Variants in MAPT observed in about 807,000 individuals in gnomAD.
MAPT encodes the protein microtubule associated protein tau, also known as microtubule-associated protein tau.
MAPT carries 34 observed loss-of-function variants against 67.9 expected under a neutral mutation model. That is an observed-to-expected ratio of 0.50 (90% CI 0.38 to 0.67). The LOEUF is 0.67. Ranked by LOEUF, MAPT falls within the 30% of genes least tolerant of loss-of-function variation. The probability of loss-of-function intolerance (pLI) is 0.00; values close to 1 mark genes in which losing one functional copy is unlikely to be tolerated. For missense variants in MAPT, 881 were observed against 1,115.2 expected, an observed-to-expected ratio of 0.79 and a Z score of 2.99; for synonymous variants, 456 against 464.5, an observed-to-expected ratio of 0.98 and a Z score of 0.23.
chr17:45,941,241 A>G (rs2067823446), intron 1 of MAPT, among the ~76,000 whole-genome samples: 1 of 152,226 alleles, frequency 6.6e-6, no homozygotes, highest in African/African-American at 2.4e-5. Flanking sequence ...AACTTTTAAA[A>G]GACATCTTTA....
chr17:45,931,397 A>G (rs888698915), intron 1 of MAPT, among the ~76,000 whole-genome samples: 5 of 152,252 alleles, frequency 3.3e-5, no homozygotes. Context: ...TCAAATAAAA[A>G]GTAAATATTA....
intron 1 of MAPT, among the ~76,000 whole-genome samples, chr17:45,928,899 T>G (rs1335580566): frequency 6.6e-6 from 1 of 152,094 alleles, no homozygotes; most frequent in African/African-American, 2.4e-5. Context: ...GGTTTCACCG[T>G]GTTAGCCAGG....
chr17:45,971,964 G>A lies in MAPT; in HGVS notation c.220+19G>A, dbSNP rs774767380. ...GCGGAAGGTGGGCCCCCCTTCAGAC[G>A]CCCCCTCCATGCCTCCAGCCTGTGC... is the stretch of plus-strand genomic sequence containing the variant. On this transcript the variant is annotated intron_variant, in intron 3 of 12. Transcript: ENST00000262410. This position sits in a 1 kb window ranked among gnomAD's most constrained non-coding sequence, Gnocchi z 4.3. 8 of 1,594,740 alleles carry A rather than the reference G, an allele frequency of 5.0e-6. No homozygotes were observed. In the South Asian group the frequency reaches 5.5e-5, roughly 11 times the overall value.
intron 1 of MAPT, among the ~76,000 whole-genome samples, chr17:45,932,625 C>T (rs1268736478): frequency 6.7e-6 from 1 of 148,420 alleles, no homozygotes; most frequent in Non-Finnish European, 1.5e-5. Flanking sequence ...AGAACTTACT[C>T]TCAAAATAAA....
At chr17:46,019,282 C>A (rs905591694) in intron 12 of MAPT, among the ~76,000 whole-genome samples, 13 of 148,902 alleles carry the variant, frequency 8.7e-5, no homozygotes, top group South Asian at 2.1e-4. Context: ...ATGGGAAAGA[C>A]CCGCCCCCAT....
intron 10 of MAPT, among the ~76,000 whole-genome samples, chr17:46,013,056 G>C (rs1380357723): frequency 6.6e-6 from 1 of 152,218 alleles, no homozygotes; most frequent in African/African-American, 2.4e-5. Context: ...GATGGTTCCA[G>C]TTTAGACCTA....
intron 11 of MAPT, among the ~76,000 whole-genome samples, chr17:46,017,336 C>T (rs929203178): frequency 3.3e-5 from 5 of 151,754 alleles, no homozygotes; most frequent in East Asian, 1.9e-4. Context: ...TGCAGTGGTG[C>T]GATCTCGGCT....
At chr17:45,990,565 C>T (rs1278609498) in intron 7 of MAPT, 4 of 405,600 alleles carry the variant, frequency 9.9e-6, no homozygotes, top group Non-Finnish European at 1.9e-5. Flanking sequence ...GTAGTTAGCT[C>T]CAGCTTGGGC....
chr17:45,962,628 C>T (rs907871712), intron 2 of MAPT, among the ~76,000 whole-genome samples, 158 bp downstream of exon 2: 1 of 152,134 alleles, frequency 6.6e-6, no homozygotes, highest in Non-Finnish European at 1.5e-5. Flanking sequence ...CAAGATAACT[C>T]AAGCAGTGAG....
chr17:46,013,376 G>T (rs557427260), intron 10 of MAPT, among the ~76,000 whole-genome samples: 1 of 152,224 alleles, frequency 6.6e-6, no homozygotes, highest in Non-Finnish European at 1.5e-5. Context: ...TCCCTACAGC[G>T]TGCCCCCCAC....
At chr17:46,013,170 G>A (rs12150506) in intron 10 of MAPT, among the ~76,000 whole-genome samples, 21,777 of 152,150 alleles carry the variant, frequency 0.14, 2,117 homozygotes, top group Non-Finnish European at 0.22. Context: ...GCTCCAGGGC[G>A]GTGCTTCCTC....
chr17:46,003,175 A>C (rs1598353730), intron 9 of MAPT, among the ~76,000 whole-genome samples: 1 of 148,802 alleles, frequency 6.7e-6, no homozygotes, highest in Non-Finnish European at 1.5e-5. Context: ...CTACCCAGTC[A>C]CCTCTGCCCA....
intron 10 of MAPT, among the ~76,000 whole-genome samples, chr17:46,013,725 C>CG (rs1568332512): frequency 6.6e-6 from 1 of 152,136 alleles, no homozygotes; most frequent in Non-Finnish European, 1.5e-5. Flanking sequence ...ATAAAGCCCA[C>CG]GCATCGACCC....
chr17:45,943,460 C>T (rs1223360957), intron 1 of MAPT, among the ~76,000 whole-genome samples: 1 of 152,180 alleles, frequency 6.6e-6, no homozygotes, highest in Non-Finnish European at 1.5e-5. Context: ...TGCTGATTTC[C>T]AACAGAATTG....
intron 12 of MAPT, among the ~76,000 whole-genome samples, chr17:46,019,608 A>C (rs571744349): frequency 4.6e-5 from 7 of 151,898 alleles, no homozygotes; most frequent in African/African-American, 1.7e-4. Flanking sequence ...AGGTCAAGCA[A>C]TATGCCCACC....
chr17:46,002,696 A>C lies in MAPT; in HGVS notation c.1998+6032A>C, dbSNP rs543343887. 2.0e-5 allele frequency among the ~76,000 whole-genome samples: 3 copies of C among 152,278 alleles called. No individual in the cohort carries two copies. In the South Asian group the frequency reaches 6.2e-4, roughly 32 times the overall value. On this transcript the variant is annotated intron_variant, in intron 9 of 12. Transcript: ENST00000262410. ...CTTGGGGCGGGGGGTGCAATATTCAAGATGGCCACAAGATGGCAATAGAAT... is the reference window on the plus strand; with the variant it reads ...CTTGGGGCGGGGGGTGCAATATTCACGATGGCCACAAGATGGCAATAGAAT...
At chr17:45,974,778 G>A (rs933766436) in intron 3 of MAPT, 2 of 415,064 alleles carry the variant, frequency 4.8e-6, no homozygotes, top group Admixed American at 7.2e-5. Context: ...GGCAGGTGGT[G>A]GCAGACCCGT....
At chr17:45,987,485 C>T (rs8079215) in intron 6 of MAPT, among the ~76,000 whole-genome samples, 115,374 of 152,174 alleles carry the variant, frequency 0.76, 44,030 homozygotes, top group East Asian at 0.83. Context: ...CCCAGATCTT[C>T]GCCCATCCTT....
rs2063211052 is a variant in MAPT at position 45,896,244 on chromosome 17, T to C, written c.-18+1558T>C. 6.6e-6 allele frequency: 1 copy of C among 151,930 alleles called. No homozygotes were observed. The highest frequency in any genetic ancestry group is 2.4e-5 in the African/African-American group (1 of 41,310). The allele number at this position is 151,930 out of a possible 1,614,324, so 9.4% of individuals were successfully genotyped here. On this transcript the variant is annotated intron_variant, in intron 1 of 12. Coordinates refer to ENST00000262410, the MANE Select transcript of MAPT (RefSeq NM_001377265.1). This position sits in a 1 kb window ranked among gnomAD's most constrained non-coding sequence, Gnocchi z 5.6. ...CCGGGAAGCTTCTGAAGGGATGGGATTCGAGTCTCCGTGCGCGCTGCGGGC... is the reference window on the plus strand; with the variant it reads ...CCGGGAAGCTTCTGAAGGGATGGGACTCGAGTCTCCGTGCGCGCTGCGGGC...
Sources: allele counts gnomAD v4.1 joint callset (sites outside exome capture counted in the v4.1 genomes callset), GRCh38; gene constraint gnomAD v4.1.1; non-coding constraint Gnocchi (gnomAD v3.1); transcripts MANE v1.5; gene names NCBI Gene and HGNC (gene_info 2026-07-23, HGNC 2026-07-21).